SPIDR: variants seen among roughly 807,000 people sequenced by gnomAD.
SPIDR encodes the protein scaffold protein involved in DNA repair.
In SPIDR, 93 loss-of-function variants were observed where a neutral mutation model predicts 104.6. The ratio of observed to expected loss-of-function variants is 0.89; its 90% CI spans 0.75 to 1.06. The LOEUF (loss-of-function observed/expected upper bound fraction) is 1.06. Among genes scored for constraint, SPIDR ranks in the 50% least tolerant of loss-of-function variants. The pLI is 0.00. For missense variants in SPIDR, 1,154 were observed against 1,111.2 expected (o/e 1.04, Z -0.55); for synonymous variants, 431 against 416.9 (o/e 1.03, Z -0.41).
intron 5 of SPIDR, among the ~76,000 whole-genome samples, chr8:47,385,697 AT>A (rs571449973): frequency 8.9e-4 from 136 of 152,004 alleles, no homozygotes; most frequent in African/African-American, 2.9e-3. Context: ...TATTTTGCTC[AT>A]TTTTTCCATT....
In SPIDR at chr8:47,424,243, G is replaced by A. The variant is rs1191420943; in HGVS notation, c.878-16080G>A. ...GTTGTTTGATCTCTGTTTAGTAACA[G>A]GGTGACAATTTTTTTCACAATATGT... On this transcript the variant is annotated intron_variant, in intron 7 of 19. Transcript: ENST00000297423. 4.6e-5 allele frequency among the ~76,000 whole-genome samples: 7 copies of A among 152,276 alleles called. No individual in the cohort carries two copies. In the East Asian group the frequency reaches 1.4e-3, roughly 29 times the overall value.
At chr8:47,316,847 A>T (rs1477174050) in intron 5 of SPIDR, among the ~76,000 whole-genome samples, 2 of 152,362 alleles carry the variant, frequency 1.3e-5, no homozygotes, top group East Asian at 1.9e-4. Context: ...TACTGAAAAA[A>T]GTAAATACAT....
chr8:47,360,341 G>T (rs2055599963), intron 5 of SPIDR, among the ~76,000 whole-genome samples: 1 of 151,624 alleles, frequency 6.6e-6, no homozygotes, highest in Admixed American at 6.6e-5. Context: ...TTGCTGTGTG[G>T]TTAGTGAATT....
rs2060473203 is a variant in SPIDR, at chr8:47,588,033, ATATATATATATATAT to A, written c.1098-7777_1098-7763del. Among the ~76,000 whole-genome samples, 191 of 23,292 alleles carry A rather than the reference ATATATATATATATAT, an allele frequency of 8.2e-3. 7 individuals carry two copies. Among genetic ancestry groups the A allele is most frequent in the Middle Eastern group, 0.048 (2 of 42 alleles). 15.3% of individuals were successfully genotyped at this position (23,292 alleles called of 152,430 possible). ...TGCAACTTTTAAAATTAGCATATAT[ATATATATATATATAT>A]ATATATATATATATATATATATATA... On this transcript the variant is annotated intron_variant, in intron 8 of 19. Transcript: ENST00000297423.
rs79062480 is a variant in SPIDR at position 47,511,819 on chromosome 8, G to A, written c.1097+71277G>A. 667 of 974,338 alleles carry A rather than the reference G, an allele frequency of 6.8e-4. 4 individuals carry two copies. In the African/African-American group the frequency reaches 9.8e-3, roughly 14 times the overall value. The allele number at this position is 974,338 out of a possible 1,614,324, so 60.4% of individuals were successfully genotyped here. A position where few individuals can be genotyped will look rare whatever the true frequency, so the allele number is the denominator to read the frequency against. ...CTCATTGGAACTTTTCTTTCTGGGA[G>A]GGCCAACAATCTGCTGTCCACTTCT... On this transcript the variant is annotated intron_variant, in intron 8 of 19. Coordinates refer to ENST00000297423, the MANE Select transcript of SPIDR (RefSeq NM_001080394.4).
intron 8 of SPIDR, among the ~76,000 whole-genome samples, chr8:47,470,602 C>T (rs1468342360): frequency 1.3e-5 from 2 of 152,116 alleles, no homozygotes; most frequent in Admixed American, 6.5e-5. Flanking sequence ...TTGACAAGGG[C>T]ACTATGATCA....
intron 8 of SPIDR, among the ~76,000 whole-genome samples, chr8:47,584,857 C>T (rs1357351824): frequency 6.6e-6 from 1 of 152,166 alleles, no homozygotes; most frequent in Non-Finnish European, 1.5e-5. Flanking sequence ...CTGTGGCTTT[C>T]TCTGCCTTTC....
At chr8:47,735,205 T>C in intron 19 of SPIDR, 102 bp from the exon 20 acceptor site, 2 of 1,111,496 alleles carry the variant, frequency 1.8e-6, no homozygotes, top group East Asian at 4.7e-5. Context: ...GGTCGTGGAC[T>C]GGGGAAAGGG....
At chr8:47,591,515 C>G (rs766426972) in intron 8 of SPIDR, among the ~76,000 whole-genome samples, 1 of 151,546 alleles carries the variant, frequency 6.6e-6, no homozygotes, top group Non-Finnish European at 1.5e-5. Context: ...CAGAAATTTC[C>G]AGACAAGCCA....
At chr8:47,713,087 T>G (rs2082102988) in intron 15 of SPIDR, 2 of 1,280,092 alleles carry the variant, frequency 1.6e-6, no homozygotes, top group Admixed American at 3.4e-5. Context: ...CTGTGCTCAC[T>G]CCAGAATTGC....
chr8:47,297,059 A>G (rs2040976343), intron 5 of SPIDR, among the ~76,000 whole-genome samples: 1 of 152,182 alleles, frequency 6.6e-6, no homozygotes, highest in Non-Finnish European at 1.5e-5. Flanking sequence ...GAAACACTGT[A>G]GATTTTGTAT....
intron 11 of SPIDR, among the ~76,000 whole-genome samples, chr8:47,688,762 C>T (rs2078208419): frequency 6.6e-6 from 1 of 152,208 alleles, no homozygotes; most frequent in Non-Finnish European, 1.5e-5. Flanking sequence ...AACTGTCTTC[C>T]AGGAGCGGAG....
chr8:47,261,137 C>A, intron 1 of SPIDR, 146 bp downstream of exon 1: 1 of 997,052 alleles, frequency 1.0e-6, no homozygotes, highest in Non-Finnish European at 1.3e-6. Context: ...GTCCCGTCTG[C>A]GCGCGTGGAG....
intron 5 of SPIDR, among the ~76,000 whole-genome samples, chr8:47,299,640 A>G (rs1351930811): frequency 6.6e-6 from 1 of 152,124 alleles, no homozygotes; most frequent in Non-Finnish European, 1.5e-5. Context: ...TACCTAATTT[A>G]TTGAGAGTTT....
intron 5 of SPIDR, chr8:47,357,894 A>G: frequency 1.0e-6 from 1 of 983,066 alleles, no homozygotes; most frequent in Non-Finnish European, 1.2e-6. Flanking sequence ...ACTGGAGAGC[A>G]TTAAATAAGA....
intron 10 of SPIDR, among the ~76,000 whole-genome samples, chr8:47,665,677 A>G (rs1268247763): frequency 6.6e-6 from 1 of 152,238 alleles, no homozygotes; most frequent in African/African-American, 2.4e-5. Flanking sequence ...CACCTGCTAA[A>G]TACTGCTGAT....
chr8:47,303,227 C>T (rs936151742), intron 5 of SPIDR, among the ~76,000 whole-genome samples: 14 of 152,172 alleles, frequency 9.2e-5, no homozygotes, highest in East Asian at 7.7e-4. Context: ...GCTCCGTGGG[C>T]GTAGGACTCT....
intron 10 of SPIDR, among the ~76,000 whole-genome samples, chr8:47,661,316 C>T (rs1277508782): frequency 6.6e-6 from 1 of 152,234 alleles, no homozygotes; most frequent in African/African-American, 2.4e-5. Context: ...TAGATAGCAG[C>T]ATCCCCTCAC....
chr8:47,627,557 G>T (rs2066382390), intron 10 of SPIDR, among the ~76,000 whole-genome samples: 1 of 152,176 alleles, frequency 6.6e-6, no homozygotes, highest in Non-Finnish European at 1.5e-5. Context: ...GTGTGTGTAT[G>T]TGTTTAAGAA....
Sources: gnomAD v4.1 joint callset for allele counts (sites outside exome capture counted in the v4.1 genomes callset) on GRCh38, gnomAD v4.1.1 for gene constraint, MANE v1.5 for transcripts, NCBI Gene and HGNC (gene_info 2026-07-23, HGNC 2026-07-21) for gene names.